Variants in FAM193A observed in about 807,000 individuals in gnomAD.
The protein encoded by FAM193A is family with sequence similarity 193 member A.
In FAM193A, 22 loss-of-function variants were observed where a neutral mutation model predicts 126.5. The ratio of observed to expected loss-of-function variants is 0.17; its 90% CI spans 0.12 to 0.25. The LOEUF (loss-of-function observed/expected upper bound fraction) is 0.25. FAM193A is among the 10% of genes least tolerant of loss of function. The pLI, the probability that FAM193A is intolerant of heterozygous loss-of-function variation, is 1.00. For synonymous variants in FAM193A, 761 were observed against 646.8 expected (o/e 1.18, Z -2.68); for missense variants, 1,675 against 1,672.8 (o/e 1.00, Z -0.02).
At chr4:2,728,283 T>C (rs1375206109) in intron 20 of FAM193A, among the ~76,000 whole-genome samples, 6 of 149,610 alleles carry the variant, frequency 4.0e-5, no homozygotes, top group African/African-American at 1.5e-4. Context: ...GGCATCTCTT[T>C]ATGTTGCCCA....
intron 1 of FAM193A, among the ~76,000 whole-genome samples, chr4:2,547,569 T>A (rs1737640630): frequency 6.6e-6 from 1 of 150,502 alleles, no homozygotes; most frequent in Non-Finnish European, 1.5e-5. Context: ...ACAGACAGTT[T>A]ATAATTCCTG....
chr4:2,542,925 A>C lies in FAM193A; in HGVS notation c.255+5755A>C, dbSNP rs1236508611. Among the ~76,000 whole-genome samples the C allele has an allele frequency of 2.0e-5, 3 of 152,128 alleles. No homozygotes were observed. In the South Asian group the frequency reaches 6.2e-4, roughly 31 times the overall value. ...AAAGAGGGTGTTTCTGCATGTGGGT[A>C]GCTTCAACAAAGGAGGAGGACCATG... On this transcript the variant is annotated intron_variant, in intron 1 of 20. Transcript: ENST00000637812.
intron 5 of FAM193A, among the ~76,000 whole-genome samples, chr4:2,636,144 A>G: frequency 6.6e-6 from 1 of 151,484 alleles, no homozygotes; most frequent in East Asian, 1.9e-4. Context: ...GCTCACTGCA[A>G]CCTCTGCTTC....
intron 20 of FAM193A, among the ~76,000 whole-genome samples, chr4:2,722,755 T>G (rs757151146): frequency 6.6e-6 from 1 of 152,218 alleles, no homozygotes; most frequent in Non-Finnish European, 1.5e-5. Flanking sequence ...AGCCACAGTT[T>G]AAGCAACCAT....
At chr4:2,594,633 CAG>C (rs928979718) in intron 1 of FAM193A, among the ~76,000 whole-genome samples, 9 of 152,208 alleles carry the variant, frequency 5.9e-5, no homozygotes, top group African/African-American at 2.2e-4. Flanking sequence ...AGCCTCTCCT[CAG>C]GGTTCGAAGG....
chr4:2,605,794 A>G (rs1226646187), intron 2 of FAM193A, among the ~76,000 whole-genome samples: 1 of 152,010 alleles, frequency 6.6e-6, no homozygotes, highest in East Asian at 2.0e-4. Flanking sequence ...CAACATGGCG[A>G]AACCTCGTCT....
At chr4:2,730,560 G>C (rs957432126) in intron 20 of FAM193A, among the ~76,000 whole-genome samples, 2 of 151,998 alleles carry the variant, frequency 1.3e-5, no homozygotes, top group African/African-American at 4.8e-5. Flanking sequence ...CGTGGTGATA[G>C]GTGCCTGTAG....
At chr4:2,636,866 A>G (rs778499010) in intron 5 of FAM193A, among the ~76,000 whole-genome samples, 1 of 152,118 alleles carries the variant, frequency 6.6e-6, no homozygotes, top group Non-Finnish European at 1.5e-5. Flanking sequence ...CAGCACCCCC[A>G]TTCTACTTGT....
chr4:2,645,933 TTA>T (rs1372802285), intron 6 of FAM193A, among the ~76,000 whole-genome samples: 5 of 152,224 alleles, frequency 3.3e-5, no homozygotes, highest in Non-Finnish European at 7.3e-5. Context: ...GATCTAAATT[TTA>T]TGTCTCATTA....
intron 4 of FAM193A, among the ~76,000 whole-genome samples, chr4:2,628,814 A>G (rs994784574): frequency 1.3e-5 from 2 of 151,476 alleles, no homozygotes; most frequent in Non-Finnish European, 2.9e-5. Context: ...GAGTTAGCGA[A>G]TGAGCTTCCT....
intron 19 of FAM193A, among the ~76,000 whole-genome samples, chr4:2,704,965 G>T (rs1560593376): frequency 6.6e-6 from 1 of 152,318 alleles, no homozygotes; most frequent in Middle Eastern, 3.4e-3. Flanking sequence ...AGGCTGGAGT[G>T]CAGTGGCGCG....
chr4:2,597,542 G>A (rs972528328), intron 2 of FAM193A, among the ~76,000 whole-genome samples: 1 of 152,152 alleles, frequency 6.6e-6, no homozygotes, highest in African/African-American at 2.4e-5. Context: ...CCTGCAGTGC[G>A]TCTTGCCTGC....
intron 13 of FAM193A, among the ~76,000 whole-genome samples, chr4:2,683,115 G>A (rs1715339241): frequency 6.6e-6 from 1 of 152,064 alleles, no homozygotes; most frequent in African/African-American, 2.4e-5. Context: ...CATAATTCTA[G>A]GTTGGTGGTT....
intron 7 of FAM193A, among the ~76,000 whole-genome samples, chr4:2,647,634 G>T (rs1011403935): frequency 6.6e-6 from 1 of 152,186 alleles, no homozygotes; most frequent in Admixed American, 6.5e-5. Context: ...CACTCAGGCA[G>T]CCCAAGCCTG....
chr4:2,608,007 G>T lies in FAM193A; in HGVS notation c.501+11678G>T. The T allele has an allele frequency of 7.5e-6, 12 of 1,596,534 alleles. 1 individual carries two copies. In the South Asian group the frequency reaches 1.2e-4, roughly 17 times the overall value. On this transcript the variant is annotated intron_variant, in intron 2 of 20. Transcript: ENST00000637812. The stretch of plus-strand genomic sequence containing the variant: ...GCCACTCACCACAGCCCCTGCTGGG[G>T]TGTGAATGTGCACCACGCACTTCAC...
intron 19 of FAM193A, among the ~76,000 whole-genome samples, chr4:2,711,039 A>G (rs1018987123): frequency 2.0e-5 from 3 of 150,300 alleles, no homozygotes; most frequent in East Asian, 2.0e-4. Context: ...TTTTTAGTAG[A>G]GACGGGGTTT....
At chr4:2,552,257 C>T (rs941383674) in intron 1 of FAM193A, among the ~76,000 whole-genome samples, 8 of 151,744 alleles carry the variant, frequency 5.3e-5, no homozygotes, top group Admixed American at 2.0e-4. Context: ...ATGATCCGCC[C>T]GCCTCGGCCT....
chr4:2,563,479 A>G (rs1237959727), intron 1 of FAM193A, among the ~76,000 whole-genome samples: 1 of 148,704 alleles, frequency 6.7e-6, no homozygotes, highest in African/African-American at 2.5e-5. Flanking sequence ...CCGAGGTGGG[A>G]GGATTGCTTG....
At chr4:2,719,160 C>A (rs1464542633) in intron 20 of FAM193A, among the ~76,000 whole-genome samples, 1 of 152,158 alleles carries the variant, frequency 6.6e-6, no homozygotes, top group Admixed American at 6.6e-5. Flanking sequence ...ACAGGTTTAT[C>A]TCACTCATAT....
Sources: gnomAD v4.1 joint callset for allele counts (sites outside exome capture counted in the v4.1 genomes callset) on GRCh38, gnomAD v4.1.1 for gene constraint, MANE v1.5 for transcripts, NCBI Gene and HGNC (gene_info 2026-07-23, HGNC 2026-07-21) for gene names.